The following ITGB3BP variants were observed in gnomAD, a reference collection of about 807,000 sequenced individuals.
ITGB3BP encodes the protein centromere protein R.
ITGB3BP carries 27 observed loss-of-function variants against 29.1 expected under a neutral mutation model. The observed-to-expected ratio is 0.93, with a 90% CI of 0.68 to 1.28. ITGB3BP has a LOEUF of 1.28. Among genes scored for constraint, ITGB3BP ranks in the 50% most tolerant of loss-of-function variants. The pLI is 0.00. For synonymous variants in ITGB3BP, 61 were observed against 61.4 expected (o/e 0.99, Z 0.03); for missense variants, 192 against 200.2 (o/e 0.96, Z 0.25).
chr1:63,453,849 T>G lies in ITGB3BP; in HGVS notation c.484+69A>C, dbSNP rs1461879292. The G allele has an allele frequency of 7.0e-6, 6 of 853,698 alleles. No individual in the cohort carries two copies. The African/African-American group carries it at 1.0e-4, about 14-fold the overall frequency. 52.9% of individuals were successfully genotyped at this position (853,698 alleles called of 1,614,324 possible). On this transcript the variant is annotated intron_variant, in intron 7 of 8. Coordinates refer to ENST00000271002, the MANE Select transcript of ITGB3BP (RefSeq NM_014288.5). ...GAAAACCACTAAAAAGGATTCATGA[T>G]GATTAGTTTTAATTGGCAAAATGGG...
intron 4 of ITGB3BP, chr1:63,458,138 A>G (rs1644962362): frequency 2.6e-5 from 4 of 152,176 alleles, no homozygotes. Context: ...AATAAAATCC[A>G]TGAGAAGCAT....
chr1:63,454,664 C>A lies in ITGB3BP; in HGVS notation c.334-191G>T, dbSNP rs928709545. On this transcript the variant is annotated intron_variant, in intron 5 of 8. Transcript: ENST00000271002. This position sits in a 1 kb window ranked among gnomAD's most constrained non-coding sequence, Gnocchi z 4.1. ...CTGAAAAAAAACAATTTATAATTAA[C>A]TAAAAAGACTAAATGTAATCTATAA... Among the ~76,000 whole-genome samples the A allele has an allele frequency of 6.6e-6, 1 of 151,674 alleles. No homozygotes were observed. Among genetic ancestry groups the A allele is most frequent in the Non-Finnish European group, 1.5e-5 (1 of 67,922 alleles).
chr1:63,512,194 A>G (rs1646214162), intron 1 of ITGB3BP, among the ~76,000 whole-genome samples: 1 of 152,096 alleles, frequency 6.6e-6, no homozygotes, highest in African/African-American at 2.4e-5. Flanking sequence ...TTAAAAAGAT[A>G]GAAAGCATTT....
intron 4 of ITGB3BP, among the ~76,000 whole-genome samples, chr1:63,460,122 A>T (rs1644993748): frequency 6.6e-6 from 1 of 152,048 alleles, no homozygotes. Context: ...AATTTTTTCT[A>T]AAAAAATTTC....
intron 1 of ITGB3BP, among the ~76,000 whole-genome samples, chr1:63,511,908 G>A (rs1646207321): frequency 6.6e-6 from 1 of 151,844 alleles, no homozygotes; most frequent in Non-Finnish European, 1.5e-5. Context: ...TCACTGAATT[G>A]GACACCTAAA....
At chr1:63,458,426 T>C (rs1460747473) in intron 4 of ITGB3BP, 1 of 152,080 alleles carries the variant, frequency 6.6e-6, no homozygotes, top group Non-Finnish European at 1.5e-5. Flanking sequence ...TTCAGATTTA[T>C]TGAAGCAGGT....
chr1:63,523,859 T>G (rs145607626), upstream of ITGB3BP, among the ~76,000 whole-genome samples: 6 of 152,328 alleles, frequency 3.9e-5, no homozygotes, highest in East Asian at 7.7e-4. Flanking sequence ...GGACGGTGAC[T>G]GGACGGCTTT....
intron 1 of ITGB3BP, among the ~76,000 whole-genome samples, chr1:63,514,883 T>C (rs1308347006): frequency 6.8e-6 from 1 of 146,672 alleles, no homozygotes; most frequent in Non-Finnish European, 1.5e-5. Flanking sequence ...GAGACGGAGG[T>C]TGCAGTGAGC....
chr1:63,471,634 G>A lies in ITGB3BP; in HGVS notation c.254+7130C>T, dbSNP rs139020620. On this transcript the variant is annotated intron_variant, in intron 4 of 8. Coordinates refer to ENST00000271002, the MANE Select transcript of ITGB3BP (RefSeq NM_014288.5). The stretch of plus-strand genomic sequence containing the variant: ...TTTTTGTGCATGGTGTGAGGGTAAG[G>A]GTCCAGATAAAATTTTTCCCATGCT... Among the ~76,000 whole-genome samples the A allele has an allele frequency of 2.0e-5, 3 of 152,088 alleles. No homozygotes were observed. In the East Asian group the frequency reaches 5.8e-4, roughly 29 times the overall value.
chr1:63,481,821 C>T (rs984357259), intron 3 of ITGB3BP, among the ~76,000 whole-genome samples: 9 of 152,184 alleles, frequency 5.9e-5, no homozygotes, highest in Non-Finnish European at 1.2e-4. Flanking sequence ...ACTTGCACAA[C>T]TCTGATATAG....
chr1:63,452,539 T>C (rs1309480570), intron 7 of ITGB3BP, among the ~76,000 whole-genome samples: 1 of 152,192 alleles, frequency 6.6e-6, no homozygotes, highest in Non-Finnish European at 1.5e-5. Context: ...TGTTGGCTTA[T>C]GCCTGTAATC....
At chr1:63,475,485 G>C (rs1645321137) in intron 4 of ITGB3BP, among the ~76,000 whole-genome samples, 1 of 152,114 alleles carries the variant, frequency 6.6e-6, no homozygotes, top group African/African-American at 2.4e-5. Flanking sequence ...AGCCCAACAG[G>C]TTAAGGTTAT....
intron 4 of ITGB3BP, among the ~76,000 whole-genome samples, chr1:63,477,713 A>C (rs6588038): frequency 0.95 from 142,459 of 150,390 alleles, 67,979 homozygotes; most frequent in East Asian, 1. Flanking sequence ...GAGTGAGACA[A>C]TCAGGGAAAA....
intron 2 of ITGB3BP, among the ~76,000 whole-genome samples, chr1:63,495,581 A>C (rs941378634): frequency 6.6e-6 from 1 of 150,940 alleles, no homozygotes; most frequent in African/African-American, 2.4e-5. Context: ...AAGAGCAAAG[A>C]AAGTAGGATG....
upstream of ITGB3BP, among the ~76,000 whole-genome samples, chr1:63,526,638 CAT>C (rs890729160): frequency 6.6e-6 from 1 of 152,180 alleles, no homozygotes; most frequent in Admixed American, 6.5e-5. Context: ...TGCAAATGCA[CAT>C]GACTGACTTT....
At chr1:63,492,666 C>T (rs1645677563) in intron 2 of ITGB3BP, among the ~76,000 whole-genome samples, 1 of 151,954 alleles carries the variant, frequency 6.6e-6, no homozygotes, top group Non-Finnish European at 1.5e-5. Context: ...TCCTTCCATT[C>T]AGCAAGGATG....
At chr1:63,476,521 A>G (rs796365079) in intron 4 of ITGB3BP, among the ~76,000 whole-genome samples, 11 of 152,246 alleles carry the variant, frequency 7.2e-5, no homozygotes, top group African/African-American at 2.4e-4. Context: ...GCAAATTCCT[A>G]TGTGACTCAT....
intron 4 of ITGB3BP, among the ~76,000 whole-genome samples, chr1:63,472,741 C>A (rs532611713): frequency 2.0e-5 from 3 of 151,330 alleles, no homozygotes; most frequent in Non-Finnish European, 3.0e-5. Flanking sequence ...CCTCCCGAGG[C>A]GCCGGGATTG....
intron 2 of ITGB3BP, among the ~76,000 whole-genome samples, chr1:63,505,461 A>G (rs557399964): frequency 1.3e-5 from 2 of 152,162 alleles, no homozygotes; most frequent in African/African-American, 4.8e-5. Flanking sequence ...TCAAAAAACC[A>G]GCTACTGGAT....
Sources: allele counts gnomAD v4.1 joint callset (sites outside exome capture counted in the v4.1 genomes callset), GRCh38; gene constraint gnomAD v4.1.1; non-coding constraint Gnocchi (gnomAD v3.1); transcripts MANE v1.5; gene names NCBI Gene and HGNC (gene_info 2026-07-23, HGNC 2026-07-21).